CHODL: variants seen among roughly 807,000 people sequenced by gnomAD.
CHODL encodes the protein transmembrane protein MT75.
In CHODL, 29 loss-of-function variants were observed where a neutral mutation model predicts 34.5. That is an observed-to-expected ratio of 0.84 (90% CI 0.63 to 1.15). The LOEUF is 1.15. Among genes scored for constraint, CHODL ranks in the 50% most tolerant of loss-of-function variants. The pLI is 0.00. For missense variants in CHODL, 332 were observed against 332.5 expected, an observed-to-expected ratio of 1.00 and a Z score of 0.01; for synonymous variants, 125 against 116.1, an observed-to-expected ratio of 1.08 and a Z score of -0.49.
At chr21:17,943,881 C>G (rs2063385339) in intron 1 of CHODL, among the ~76,000 whole-genome samples, 1 of 152,094 alleles carries the variant, frequency 6.6e-6, no homozygotes, top group African/African-American at 2.4e-5. Context: ...ATGGGGAACA[C>G]TAAGATAAAT....
At chr21:17,986,170 T>G (rs901846326) in intron 1 of CHODL, among the ~76,000 whole-genome samples, 1 of 152,142 alleles carries the variant, frequency 6.6e-6, no homozygotes, top group African/African-American at 2.4e-5. Context: ...ATTTTATTTA[T>G]TCATTTTTAT....
chr21:18,252,527 T>C (rs78396502), intron 1 of CHODL, among the ~76,000 whole-genome samples: 8,507 of 151,900 alleles, frequency 0.056, 773 homozygotes, highest in African/African-American at 0.19. Context: ...GCTGAAAGAG[T>C]GGTGAGACGT....
intron 2 of CHODL, among the ~76,000 whole-genome samples, chr21:18,198,773 A>G (rs1416482965): frequency 2.6e-5 from 4 of 152,166 alleles, no homozygotes. Context: ...GGAAGTAATT[A>G]CATCATTAAA....
chr21:17,963,275 G>A (rs1045123552), intron 1 of CHODL, among the ~76,000 whole-genome samples: 7 of 152,136 alleles, frequency 4.6e-5, no homozygotes, highest in East Asian at 3.9e-4. Flanking sequence ...CTGTTTTGCC[G>A]GTAATTACGT....
intron 2 of CHODL, among the ~76,000 whole-genome samples, chr21:18,035,058 A>G (rs2064293897): frequency 6.6e-6 from 1 of 151,970 alleles, no homozygotes; most frequent in Non-Finnish European, 1.5e-5. Flanking sequence ...CCTTTGCAAC[A>G]TTTCAGGGAG....
chr21:17,981,632 T>A (rs185944643), intron 1 of CHODL, among the ~76,000 whole-genome samples: 181 of 152,264 alleles, frequency 1.2e-3, no homozygotes, highest in Non-Finnish European at 2.1e-3. Context: ...AAATTCACAA[T>A]GCTGTGGGTT....
intron 2 of CHODL, among the ~76,000 whole-genome samples, chr21:18,068,021 A>T (rs2146494155): frequency 6.6e-6 from 1 of 151,780 alleles, no homozygotes; most frequent in East Asian, 1.9e-4. Context: ...TTTTCATCTA[A>T]ATACTTTTTT....
chr21:17,942,175 T>C (rs2063369996), intron 1 of CHODL, among the ~76,000 whole-genome samples: 1 of 152,146 alleles, frequency 6.6e-6, no homozygotes, highest in Non-Finnish European at 1.5e-5. Context: ...AAATATAAGA[T>C]AATTTGTTTG....
intron 1 of CHODL, among the ~76,000 whole-genome samples, chr21:18,009,895 A>AAAAAAAAAT (rs1235931443): frequency 2.7e-5 from 4 of 150,018 alleles, no homozygotes; most frequent in South Asian, 2.1e-4. Flanking sequence ...CTCAAAAAAA[A>AAAAAAAAAT]AAAAATAACA....
intron 2 of CHODL, among the ~76,000 whole-genome samples, chr21:18,227,482 G>T (rs1756103516): frequency 1.3e-5 from 2 of 152,054 alleles, no homozygotes; most frequent in African/African-American, 4.8e-5. Flanking sequence ...ATTTAATTTT[G>T]CCTTGTCTAT....
intron 2 of CHODL, among the ~76,000 whole-genome samples, chr21:18,169,627 CT>C (rs1252061517): frequency 6.6e-6 from 1 of 151,850 alleles, no homozygotes; most frequent in African/African-American, 2.4e-5. Flanking sequence ...GTAATCTTTA[CT>C]TTCTTTTGCT....
At chr21:18,026,186 A>G (rs1448541084) in intron 1 of CHODL, among the ~76,000 whole-genome samples, 1 of 152,188 alleles carries the variant, frequency 6.6e-6, no homozygotes, top group African/African-American at 2.4e-5. Flanking sequence ...AATGGATAAA[A>G]CCAGTAAGTT....
At chr21:18,194,379 G>GC (rs1555881377) in intron 2 of CHODL, among the ~76,000 whole-genome samples, 1 of 152,102 alleles carries the variant, frequency 6.6e-6, no homozygotes, top group Non-Finnish European at 1.5e-5. Flanking sequence ...CCATGCTTCA[G>GC]CCCCCTTGCC....
At chr21:17,938,242 G>A (rs908777518) in intron 1 of CHODL, among the ~76,000 whole-genome samples, 2 of 152,036 alleles carry the variant, frequency 1.3e-5, no homozygotes, top group African/African-American at 2.4e-5. Flanking sequence ...AATTTCTGTT[G>A]CTGTACTAGA....
At chr21:18,180,533 T>C (rs1290954682) in intron 2 of CHODL, among the ~76,000 whole-genome samples, 2 of 152,214 alleles carry the variant, frequency 1.3e-5, no homozygotes, top group South Asian at 2.1e-4. Context: ...CAGCTCAAAG[T>C]AGAAGTAACC....
intron 2 of CHODL, among the ~76,000 whole-genome samples, chr21:18,106,356 C>T (rs2065271553): frequency 6.6e-6 from 1 of 152,170 alleles, no homozygotes; most frequent in Non-Finnish European, 1.5e-5. Context: ...GGCTGTGAGT[C>T]CTACCCTTCC....
intron 1 of CHODL, among the ~76,000 whole-genome samples, chr21:17,958,181 T>G (rs1266410526): frequency 1.3e-5 from 2 of 152,176 alleles, no homozygotes; most frequent in East Asian, 3.8e-4. Flanking sequence ...CACTGTAACA[T>G]TTGTCATTAA....
chr21:18,171,175 T>C (rs2073223726), intron 2 of CHODL, among the ~76,000 whole-genome samples: 1 of 83,616 alleles, frequency 1.2e-5, no homozygotes, highest in Admixed American at 1.2e-4. Flanking sequence ...TTTTTTTTTG[T>C]TCTTCAGACA....
chr21:18,100,489 A>T (rs910928382), intron 2 of CHODL, among the ~76,000 whole-genome samples: 1 of 152,194 alleles, frequency 6.6e-6, no homozygotes, highest in South Asian at 2.1e-4. Flanking sequence ...GAGCTAAAAC[A>T]TTTTCTTGTG....
Sources: gnomAD v4.1 joint callset for allele counts (sites outside exome capture counted in the v4.1 genomes callset) on GRCh38, gnomAD v4.1.1 for gene constraint, MANE v1.5 for transcripts, NCBI Gene and HGNC (gene_info 2026-07-23, HGNC 2026-07-21) for gene names.